Variants in SLC6A9 observed in about 807,000 individuals in gnomAD.
SLC6A9 encodes the protein sodium- and chloride-dependent glycine transporter 1.
SLC6A9 carries 31 observed loss-of-function variants against 70.9 expected under a neutral mutation model. That is an observed-to-expected ratio of 0.44 (90% CI 0.33 to 0.59). SLC6A9 has a LOEUF of 0.59. Ranked by LOEUF, SLC6A9 falls within the 20% of genes least tolerant of loss-of-function variation. SLC6A9 has a pLI of 0.04. For missense variants in SLC6A9, 631 were observed against 845.2 expected (o/e 0.75, Z 3.14); for synonymous variants, 310 against 341.3 (o/e 0.91, Z 1.01).
In SLC6A9 at chr1:44,013,745, C is replaced by A. The variant is rs1434577616; in HGVS notation, c.31-2863G>T. Reference sequence around the variant, plus strand: ...ACGACAGAGCAGGCCTACCTTTCTCCAAGCAAACTGGAGGAAAGACTCTCC... The same window carrying A: ...ACGACAGAGCAGGCCTACCTTTCTCAAAGCAAACTGGAGGAAAGACTCTCC... On this transcript the variant is annotated intron_variant, in intron 2 of 13. Coordinates refer to ENST00000372310, the MANE Select transcript of SLC6A9 (RefSeq NM_001024845.3). This position sits in a 1 kb window ranked among gnomAD's most constrained non-coding sequence, Gnocchi z 5.3. Among the ~76,000 whole-genome samples the A allele has an allele frequency of 6.6e-6, 1 of 152,122 alleles. No homozygotes were observed. Among genetic ancestry groups the A allele is most frequent in the East Asian group, 1.9e-4 (1 of 5,196 alleles).
chr1:44,015,197 C>T (rs1351633286), intron 2 of SLC6A9, among the ~76,000 whole-genome samples: 2 of 152,206 alleles, frequency 1.3e-5, no homozygotes, highest in African/African-American at 2.4e-5. Context: ...ACTCCCAGAG[C>T]GAACCGGGCC....
chr1:44,023,960 C>A (rs1211750887), intron 2 of SLC6A9, among the ~76,000 whole-genome samples: 1 of 152,290 alleles, frequency 6.6e-6, no homozygotes, highest in Non-Finnish European at 1.5e-5. Flanking sequence ...CCCGCGTCCA[C>A]TGTCCTCTCA....
chr1:44,009,342 C>G (rs1015958483), intron 4 of SLC6A9, among the ~76,000 whole-genome samples: 2 of 152,014 alleles, frequency 1.3e-5, no homozygotes, highest in Non-Finnish European at 2.9e-5. Flanking sequence ...GCCTCAGCCC[C>G]CAGAGTAGCT....
chr1:44,018,120 C>A lies in SLC6A9; in HGVS notation c.30+6128G>T, dbSNP rs2086807757. ...ATTCCGGTGCCAGGAATGTGTCAGG[C>A]CCTTTGGAAACTGGTCAGTCAGCAG... On this transcript the variant is annotated intron_variant, in intron 2 of 13. Transcript: ENST00000372310. This position sits in a 1 kb window ranked among gnomAD's most constrained non-coding sequence, Gnocchi z 4.2. Among the ~76,000 whole-genome samples the A allele has an allele frequency of 6.6e-6, 1 of 152,164 alleles. No homozygotes were observed. The highest frequency in any genetic ancestry group is 1.5e-5 in the Non-Finnish European group (1 of 68,034).
chr1:44,006,274 G>A lies in SLC6A9; in HGVS notation c.590+2079C>T, dbSNP rs74226350. Among the ~76,000 whole-genome samples the A allele has an allele frequency of 4.6e-5, 7 of 152,170 alleles. No individual in the cohort carries two copies. The East Asian group carries it at 1.3e-3, about 29-fold the overall frequency. On this transcript the variant is annotated intron_variant, in intron 5 of 13. Transcript: ENST00000372310. Reference sequence around the variant, plus strand: ...CTGCCCTCTCTCCCCTCTGAGAACAGTACCTGGTACCTAGTAGGTGCTCAA... The same window carrying A: ...CTGCCCTCTCTCCCCTCTGAGAACAATACCTGGTACCTAGTAGGTGCTCAA...
intron 1 of SLC6A9, 33 bp downstream of exon 1, chr1:44,031,273 G>C (rs1351749428): frequency 1.3e-5 from 2 of 152,458 alleles, no homozygotes; most frequent in Non-Finnish European, 2.9e-5. Flanking sequence ...ACGGAGGCGC[G>C]GGCCCCAGCG....
intron 3 of SLC6A9, chr1:44,010,461 G>GGGGC (rs2086512836): frequency 2.3e-5 from 5 of 216,256 alleles, no homozygotes; most frequent in South Asian, 1.6e-4. Flanking sequence ...GTGGGCGGGG[G>GGGGC]GGGGGGGGGG....
intron 2 of SLC6A9, among the ~76,000 whole-genome samples, chr1:44,019,882 A>G (rs1470084139): frequency 7.4e-6 from 1 of 135,790 alleles, no homozygotes; most frequent in African/African-American, 2.9e-5. Flanking sequence ...AGTGCCGGGG[A>G]TGGGGGAGGG....
chr1:44,014,345 C>T (rs1165244629), intron 2 of SLC6A9, among the ~76,000 whole-genome samples: 2 of 152,072 alleles, frequency 1.3e-5, no homozygotes, highest in African/African-American at 4.8e-5. Flanking sequence ...AGCAGGTGGT[C>T]TCCAGGACAG....
intron 1 of SLC6A9, among the ~76,000 whole-genome samples, chr1:44,026,434 G>A (rs1418356874): frequency 3.9e-5 from 6 of 152,112 alleles, no homozygotes; most frequent in Admixed American, 6.5e-5. Context: ...CGAGGCGGGC[G>A]GATCACCTGA....
rs576868679 is a variant in SLC6A9 at position 44,002,120 on chromosome 1, C to T, written c.962+193G>A. Among the ~76,000 whole-genome samples the T allele has an allele frequency of 6.6e-6, 1 of 152,274 alleles. No individual in the cohort carries two copies. Among genetic ancestry groups the T allele is most frequent in the South Asian group, 2.1e-4 (1 of 4,828 alleles). On this transcript the variant is annotated intron_variant, in intron 8 of 13. Transcript: ENST00000372310. The surrounding 1 kb of genome is among the most constrained non-coding windows in gnomAD (Gnocchi z 5.5). ...CACAGACCCCTGGGACATCACTGTC[C>T]CTATCTCTCTTCTCTCTCCTGCCTA...
At position 43,997,626 on chromosome 1, in the gene SLC6A9, G is replaced by C; in HGVS notation, c.1821C>G (p.Val607=). ...GCGCCTTGTCCGGGTGCAGTGGCTG[G>C]ACCTCGAAGCCGTCCTCAGGAGAGG... is the stretch of plus-strand genomic sequence containing the variant. ...IAPSPEDGFE[V]QPLHPDKAQI... Residue 607 remains valine (V), a synonymous_variant, in exon 14 of 14, where the codon GTC becomes GTG. Coordinates refer to ENST00000372310, the MANE Select transcript of SLC6A9 (RefSeq NM_001024845.3). The surrounding 1 kb of genome is among the most constrained non-coding windows in gnomAD (Gnocchi z 4.4). The C allele has an allele frequency of 6.2e-7, 1 of 1,614,040 alleles. No homozygotes were observed. The highest frequency in any genetic ancestry group is 8.5e-7 in the Non-Finnish European group (1 of 1,180,008).
rs113184612 is a variant in SLC6A9 at position 43,998,031 on chromosome 1, C to G, written c.1537-6G>C. ...ACAGTGAAAACTAGAATAAACTGCA[C>G]GGGGCAGGTGTGGGAGTGGGCGTGA... On this transcript the variant is annotated splice_region_variant and splice_polypyrimidine_tract_variant and intron_variant, in intron 12 of 13. Transcript: ENST00000372310. The G allele has an allele frequency of 8.1e-6, 13 of 1,607,842 alleles. No homozygotes were observed. Among genetic ancestry groups the G allele is most frequent in the Middle Eastern group, 1.7e-4 (1 of 6,036 alleles).
At chr1:44,022,718 C>CTTCCTTTT (rs2086907655) in intron 2 of SLC6A9, among the ~76,000 whole-genome samples, 1 of 59,942 alleles carries the variant, frequency 1.7e-5, no homozygotes, top group Non-Finnish European at 3.3e-5. Context: ...TTCTTTCTTT[C>CTTCCTTTT]TTTCTTTTTT....
In SLC6A9 at chr1:44,001,220, C is replaced by T. The variant is rs896335994; in HGVS notation, c.1279G>A (p.Val427Met). ...NEWILQKKTY[V>M]TLGVAVAGFL... is the part of the protein sequence containing the mutation. ...CCAGCCACAGCCACGCCCAAGGTCA[C>T]ATAGGTCTTTTTCTGCAGGATCCAC... is the stretch of plus-strand genomic sequence containing the variant. The change falls in exon 10 of 14, where the codon GTG (valine) becomes ATG (methionine). Residue 427 changes from valine (V) to methionine (M), a missense_variant. Physicochemically the swap from Val to Met is conservative, Grantham distance 21 (BLOSUM62 1). Coordinates refer to ENST00000372310, the MANE Select transcript of SLC6A9 (RefSeq NM_001024845.3). The T allele has an allele frequency of 2.0e-5, 32 of 1,614,098 alleles. No individual in the cohort carries two copies. Among genetic ancestry groups the T allele is most frequent in the Non-Finnish European group, 2.5e-5 (29 of 1,180,058 alleles).
intron 5 of SLC6A9, 70 bp downstream of exon 5, chr1:44,008,283 C>T: frequency 6.6e-7 from 1 of 1,514,794 alleles, no homozygotes; most frequent in Admixed American, 1.7e-5. Flanking sequence ...ACTTTGTCTT[C>T]AGATGGTTGC....
At position 44,002,695 on chromosome 1, in the gene SLC6A9, G is replaced by A. The variant is rs1366277258; in HGVS notation, c.724-49C>T. On this transcript the variant is annotated intron_variant, in intron 6 of 13. Transcript: ENST00000372310. The surrounding 1 kb of genome is among the most constrained non-coding windows in gnomAD (Gnocchi z 5.5). ...CTCTTCTGGGCTCTCCCCTCCCCTG[G>A]GCACCACCACCCTGGCTCCCTAATC... 6.2e-7 allele frequency: 1 copy of A among 1,610,386 alleles called. No homozygotes were observed. The highest frequency in any genetic ancestry group is 8.5e-7 in the Non-Finnish European group (1 of 1,177,302).
Position 44,002,031 on chromosome 1 carries a change from G to T in SLC6A9, c.962+282C>A, listed in dbSNP as rs2086129711. 2.0e-5 allele frequency among the ~76,000 whole-genome samples: 3 copies of T among 152,110 alleles called. No homozygotes were observed. Among genetic ancestry groups the T allele is most frequent in the African/African-American group, 7.2e-5 (3 of 41,428 alleles). On this transcript the variant is annotated intron_variant, in intron 8 of 13. Transcript: ENST00000372310. The surrounding 1 kb of genome is among the most constrained non-coding windows in gnomAD (Gnocchi z 5.5). ...GATTACGGCGTGAAGCACTGAGCCT[G>T]GCCCCCAACTCCTTTTCTGGTCTGT...
rs2086808952 is a variant in SLC6A9, at chr1:44,018,180, C to T, written c.30+6068G>A. ...CTTACCACAGGACCTCAGGAAATATCAGTCAGATGGACACGTGCATGAATT... is the reference window on the plus strand; with the variant it reads ...CTTACCACAGGACCTCAGGAAATATTAGTCAGATGGACACGTGCATGAATT... On this transcript the variant is annotated intron_variant, in intron 2 of 13. Transcript: ENST00000372310. This position sits in a 1 kb window ranked among gnomAD's most constrained non-coding sequence, Gnocchi z 4.2. Among the ~76,000 whole-genome samples, 1 of 152,214 alleles carries T rather than the reference C, an allele frequency of 6.6e-6. No homozygotes were observed. Among genetic ancestry groups the T allele is most frequent in the Admixed American group, 6.5e-5 (1 of 15,286 alleles).
Sources: gnomAD v4.1 joint callset for allele counts (sites outside exome capture counted in the v4.1 genomes callset) on GRCh38, gnomAD v4.1.1 for gene constraint, Gnocchi (gnomAD v3.1) non-coding constraint, MANE v1.5 for transcripts, NCBI Gene and HGNC (gene_info 2026-07-23, HGNC 2026-07-21) for gene names.